Variants in SHTN1 observed in about 807,000 individuals in gnomAD.
SHTN1 encodes the protein shootin 1.
A neutral mutation model predicts 83.1 loss-of-function variants in SHTN1; 42 were observed. The ratio of observed to expected loss-of-function variants is 0.51; its 90% CI spans 0.39 to 0.65. The LOEUF is 0.65. Among genes scored for constraint, SHTN1 ranks in the 30% least tolerant of loss-of-function variants. The pLI is 0.00. For synonymous variants in SHTN1, 224 were observed against 247.7 expected, an observed-to-expected ratio of 0.90 and a Z score of 0.90; for missense variants, 622 against 737.8, an observed-to-expected ratio of 0.84 and a Z score of 1.82.
intron 1 of SHTN1, among the ~76,000 whole-genome samples, chr10:117,067,432 A>G (rs1853018426): frequency 6.6e-6 from 1 of 152,072 alleles, no homozygotes; most frequent in South Asian, 2.1e-4. Context: ...TCTCTACTAA[A>G]AGAAATACAA....
At chr10:116,972,935 C>A (rs1850669422) in intron 2 of SHTN1, among the ~76,000 whole-genome samples, 1 of 152,198 alleles carries the variant, frequency 6.6e-6, no homozygotes. Context: ...GGCTATTTTC[C>A]ATATCTCTTC....
intron 1 of SHTN1, among the ~76,000 whole-genome samples, chr10:117,002,134 G>A (rs1263029589): frequency 6.6e-6 from 1 of 152,154 alleles, no homozygotes; most frequent in Non-Finnish European, 1.5e-5. Flanking sequence ...TAATCATTTT[G>A]GAGGGCACTT....
At chr10:116,905,412 G>A (rs1309162435) in intron 15 of SHTN1, among the ~76,000 whole-genome samples, 1 of 152,064 alleles carries the variant, frequency 6.6e-6, no homozygotes, top group Non-Finnish European at 1.5e-5. Context: ...TGTTTTGGGG[G>A]GCACAGTAGG....
At chr10:117,018,936 A>C (rs890351187) in intron 2 of SHTN1, among the ~76,000 whole-genome samples, 4 of 152,164 alleles carry the variant, frequency 2.6e-5, no homozygotes, top group African/African-American at 9.7e-5. Flanking sequence ...GAAGAAAAAG[A>C]AATAAAATGC....
chr10:117,060,433 C>T (rs755198859), intron 1 of SHTN1, among the ~76,000 whole-genome samples: 2 of 151,772 alleles, frequency 1.3e-5, no homozygotes, highest in African/African-American at 2.4e-5. Context: ...AATGGTGTAC[C>T]GAGCCAAACA....
chr10:116,888,583 C>A (rs1431384310), intron 16 of SHTN1, among the ~76,000 whole-genome samples: 2 of 152,136 alleles, frequency 1.3e-5, no homozygotes, highest in African/African-American at 4.8e-5. Flanking sequence ...CTTGATGATG[C>A]AAGACAATCT....
chr10:117,105,866 A>C (rs939845018), intron 1 of SHTN1, among the ~76,000 whole-genome samples: 4 of 152,140 alleles, frequency 2.6e-5, no homozygotes, highest in Non-Finnish European at 4.4e-5. Flanking sequence ...AAAAATTAGA[A>C]ACATCCAGGC....
intron 1 of SHTN1, among the ~76,000 whole-genome samples, chr10:117,063,844 T>C (rs185844397): frequency 4.6e-5 from 7 of 152,212 alleles, no homozygotes; most frequent in African/African-American, 1.7e-4. Context: ...AGTTCTCCAC[T>C]GCAATGTTAC....
chr10:117,024,967 T>C (rs1031472213), intron 2 of SHTN1, among the ~76,000 whole-genome samples: 2 of 152,114 alleles, frequency 1.3e-5, no homozygotes, highest in African/African-American at 4.8e-5. Flanking sequence ...ACATACAATT[T>C]ACAATATCAT....
intron 1 of SHTN1, among the ~76,000 whole-genome samples, chr10:117,004,651 G>A (rs575665575): frequency 2.6e-5 from 4 of 152,102 alleles, no homozygotes; most frequent in African/African-American, 9.6e-5. Context: ...TAGCTGAGCC[G>A]CCCAAAGCAG....
intron 1 of SHTN1, among the ~76,000 whole-genome samples, chr10:117,068,410 C>A (rs1853034523): frequency 6.6e-6 from 1 of 151,974 alleles, no homozygotes; most frequent in Non-Finnish European, 1.5e-5. Flanking sequence ...TTTACTGGGT[C>A]CGCCCAATAT....
rs755462199 is a variant in SHTN1, at chr10:116,927,879, T to C, written c.1025A>G (p.Gln342Arg). 5.6e-6 allele frequency: 9 copies of C among 1,612,494 alleles called. No homozygotes were observed. The Admixed American group carries it at 1.5e-4, about 27-fold the overall frequency. The change falls in exon 11 of 17, where the codon CAG (glutamine) becomes CGG (arginine). Residue 342 changes from glutamine to arginine, a missense_variant. Around this residue, in one of 3 missense-constraint regions of SHTN1, gnomAD observed 383 missense variants for 455.8 expected, o/e 0.84. Coordinates refer to ENST00000355371, the MANE Select transcript of SHTN1 (RefSeq NM_001127211.3). ...RNLKHSVDEL[Q>R]KRVNQSENSV... is the part of the protein sequence containing the mutation. ...ATTCTCAGACTGGTTCACTCGTTTC[T>C]GGAGTTCATCAACTGCACAGAGAGC...
chr10:116,905,559 G>A (rs1847936455), intron 15 of SHTN1, among the ~76,000 whole-genome samples: 1 of 151,896 alleles, frequency 6.6e-6, no homozygotes, highest in Non-Finnish European at 1.5e-5. Flanking sequence ...AGCCACTTTG[G>A]GTTCAAGGAA....
intron 2 of SHTN1, among the ~76,000 whole-genome samples, chr10:117,041,044 C>T (rs538001332): frequency 6.6e-6 from 1 of 152,178 alleles, no homozygotes; most frequent in Admixed American, 6.5e-5. Flanking sequence ...GTGTGCTGCA[C>T]CTAGTAACTC....
chr10:116,949,079 G>T (rs1408800394), intron 6 of SHTN1, 82 bp from the exon 7 acceptor site: 13 of 1,324,762 alleles, frequency 9.8e-6, no homozygotes, highest in Non-Finnish European at 1.3e-5. Flanking sequence ...CTCAATTGCT[G>T]TTCAACTTTC....
At position 116,945,035 on chromosome 10, in the gene SHTN1, A is replaced by T; in HGVS notation, c.617-17T>A. The T allele has an allele frequency of 7.6e-7, 1 of 1,307,962 alleles. No homozygotes were observed. Among genetic ancestry groups the T allele is most frequent in the Non-Finnish European group, 1.1e-6 (1 of 940,354 alleles). The allele number at this position is 1,307,962 out of a possible 1,614,324, so 81.0% of individuals were successfully genotyped here. On this transcript the variant is annotated splice_polypyrimidine_tract_variant and intron_variant, in intron 7 of 16. Coordinates refer to ENST00000355371, the MANE Select transcript of SHTN1 (RefSeq NM_001127211.3). Reference sequence around the variant, plus strand: ...ACATGGACACTTAAGAAGATAAAGGAAAAAAAAAACCCAGACAATAAGTCA... The same window carrying T: ...ACATGGACACTTAAGAAGATAAAGGTAAAAAAAAACCCAGACAATAAGTCA...
chr10:117,005,341 G>A (rs576306807), upstream of SHTN1: 4 of 1,292,404 alleles, frequency 3.1e-6, no homozygotes, highest in African/African-American at 6.2e-5. Context: ...GAACGAGGGC[G>A]GGTCGGCAGC....
At position 116,883,884 on chromosome 10, in the gene SHTN1, G is replaced by A; in HGVS notation, c.*2460C>T. On this transcript the variant is annotated 3_prime_UTR_variant, in exon 17 of 17. Coordinates refer to ENST00000355371, the MANE Select transcript of SHTN1 (RefSeq NM_001127211.3). ...TTTGAGACCAGCTCACATACAAAAGGGTGCAAGTGCTTTAATTAAAATCTT... is the reference window on the plus strand; with the variant it reads ...TTTGAGACCAGCTCACATACAAAAGAGTGCAAGTGCTTTAATTAAAATCTT... The A allele has an allele frequency of 5.0e-6, 1 of 200,738 alleles. No homozygotes were observed. The highest frequency in any genetic ancestry group is 1.0e-5 in the Non-Finnish European group (1 of 95,702). 12.4% of individuals were successfully genotyped at this position (200,738 alleles called of 1,614,324 possible).
At chr10:116,893,605 A>C (rs1282906971) in intron 16 of SHTN1, among the ~76,000 whole-genome samples, 1 of 1,912 alleles carries the variant, frequency 5.2e-4, no homozygotes, top group Non-Finnish European at 1.7e-3. Context: ...CACGAGAAAG[A>C]AAGCGGAGAA....
Sources: allele counts gnomAD v4.1 joint callset (sites outside exome capture counted in the v4.1 genomes callset), GRCh38; gene constraint gnomAD v4.1.1; regional missense constraint gnomAD v4.1.1; transcripts MANE v1.5; gene names NCBI Gene and HGNC (gene_info 2026-07-23, HGNC 2026-07-21).